Variants in NMU observed in about 807,000 individuals in gnomAD.
NMU encodes the protein neuromedin-U.
In NMU, 29 loss-of-function variants were observed where a neutral mutation model predicts 35.4. That is an observed-to-expected ratio of 0.82 (90% CI 0.61 to 1.12). NMU has a LOEUF of 1.12. Ranked by LOEUF, NMU falls within the 50% of genes most tolerant of loss-of-function variation. NMU has a pLI of 0.00. For missense variants in NMU, 199 were observed against 206.2 expected (o/e 0.97, Z 0.21); for synonymous variants, 78 against 81.3 (o/e 0.96, Z 0.22).
chr4:55,618,651 T>C (rs1734209054), intron 2 of NMU, among the ~76,000 whole-genome samples: 1 of 151,634 alleles, frequency 6.6e-6, no homozygotes, highest in Non-Finnish European at 1.5e-5. Context: ...CTCTCTTTCT[T>C]TCTCATCTTT....
chr4:55,597,282 A>T, intron 9 of NMU, among the ~76,000 whole-genome samples: 1 of 151,888 alleles, frequency 6.6e-6, no homozygotes, highest in East Asian at 1.9e-4. Context: ...AAAAATTCAA[A>T]ATTATTGGCT....
intron 1 of NMU, among the ~76,000 whole-genome samples, chr4:55,633,914 C>G (rs944989184): frequency 1.4e-4 from 21 of 152,222 alleles, no homozygotes; most frequent in Non-Finnish European, 3.1e-4. Context: ...AAATGTGTTC[C>G]TCTTATAGGA....
intron 2 of NMU, among the ~76,000 whole-genome samples, chr4:55,629,728 T>G (rs535843902): frequency 1.3e-5 from 2 of 152,238 alleles, no homozygotes; most frequent in Admixed American, 6.5e-5. Flanking sequence ...TGTATGATTA[T>G]GTCGTTGTTA....
At chr4:55,618,317 G>A (rs1465827681) in intron 2 of NMU, among the ~76,000 whole-genome samples, 6 of 152,084 alleles carry the variant, frequency 3.9e-5, no homozygotes, top group Non-Finnish European at 8.8e-5. Context: ...TCGTCATCTA[G>A]GTTTTAAGCC....
At chr4:55,625,959 T>C (rs896094502) in intron 2 of NMU, among the ~76,000 whole-genome samples, 1 of 152,090 alleles carries the variant, frequency 6.6e-6, no homozygotes, top group Non-Finnish European at 1.5e-5. Context: ...AGCAAAGCTA[T>C]AATCAACCTC....
intron 3 of NMU, among the ~76,000 whole-genome samples, chr4:55,609,693 C>G (rs1172946798): frequency 1.3e-5 from 2 of 152,294 alleles, no homozygotes; most frequent in South Asian, 2.1e-4. Flanking sequence ...ACCACCCTTC[C>G]AGATTGCTGA....
At chr4:55,602,890 A>G (rs1457314355) in intron 7 of NMU, among the ~76,000 whole-genome samples, 2 of 152,230 alleles carry the variant, frequency 1.3e-5, no homozygotes, top group Admixed American at 6.5e-5. Flanking sequence ...TATTCACCTA[A>G]ACTCTATGTG....
intron 4 of NMU, among the ~76,000 whole-genome samples, 178 bp downstream of exon 4, chr4:55,608,942 T>C (rs1211914055): frequency 6.6e-6 from 1 of 152,214 alleles, no homozygotes; most frequent in Non-Finnish European, 1.5e-5. Flanking sequence ...GCTCCATTAA[T>C]ATGATGCTCA....
At chr4:55,618,773 CTCTT>C (rs1441480319) in intron 2 of NMU, among the ~76,000 whole-genome samples, 4 of 138,504 alleles carry the variant, frequency 2.9e-5, no homozygotes, top group Admixed American at 7.6e-5. Context: ...TCTCTTTCTT[CTCTT>C]TCTTTCCCTT....
intron 3 of NMU, among the ~76,000 whole-genome samples, chr4:55,612,253 A>G (rs1250022044): frequency 6.6e-6 from 1 of 152,186 alleles, no homozygotes; most frequent in Non-Finnish European, 1.5e-5. Context: ...TCTTTTAATT[A>G]GCTGGGCATG....
At chr4:55,599,089 T>G in intron 9 of NMU, 53 bp downstream of exon 9, 1 of 1,184,408 alleles carries the variant, frequency 8.4e-7, no homozygotes, top group Non-Finnish European at 1.2e-6. Flanking sequence ...TGTGTTGAAC[T>G]GTGAAATGCA....
chr4:55,603,999 G>GTGTATATATACACATA (rs1366681530), intron 7 of NMU, among the ~76,000 whole-genome samples: 2 of 43,062 alleles, frequency 4.6e-5, no homozygotes, highest in African/African-American at 1.8e-4. Flanking sequence ...ATATATATAC[G>GTGTATATATACACATA]TATATATGTA....
rs983094948 is a variant in NMU, at chr4:55,607,451, C to A, written c.295G>T (p.Asp99Tyr). The A allele has an allele frequency of 1.0e-6, 1 of 1,002,522 alleles. No individual in the cohort carries two copies. Among genetic ancestry groups the A allele is most frequent in the Non-Finnish European group, 1.5e-6 (1 of 648,814 alleles). 62.1% of individuals were successfully genotyped at this position (1,002,522 alleles called of 1,614,324 possible). The change falls in exon 5 of 10, where the codon GAT becomes TAT. Residue 99 changes from aspartate to tyrosine, a missense_variant. Transcript: ENST00000264218. ...AATCATCTTACCCTTTTAGTATTAT[C>A]TTTTTCATCTTGTTCCTATTGAAAA... ...LPKPQEQDEK[D>Y]NTKRFLFHYS...
rs138342873 is a variant in NMU, at chr4:55,605,348, G to A, written c.362C>T (p.Ser121Leu). 1,109 of 1,610,096 alleles carry A rather than the reference G, an allele frequency of 6.9e-4. 1 individual carries two copies. The highest frequency in any genetic ancestry group is 8.4e-4 in the Non-Finnish European group (990 of 1,176,430). Residue 121 changes from serine (S) to leucine (L), a missense_variant and splice_region_variant, in exon 7 of 10, where the codon TCG (serine) becomes TTG (leucine). Coordinates refer to ENST00000264218, the MANE Select transcript of NMU (RefSeq NM_006681.4). ...CTGCAGCAACGGATGCACAACTGAC[G>A]ACTGAGAGGACATGAACACACACGT... ...TQKLGKSNVV[S>L]SVVHPLLQLV... is the part of the protein sequence containing the mutation.
chr4:55,630,126 T>C (rs147019385), intron 2 of NMU, among the ~76,000 whole-genome samples: 147 of 152,224 alleles, frequency 9.7e-4, no homozygotes, highest in African/African-American at 3.4e-3. Flanking sequence ...AATCTTAGAA[T>C]CTCTGTCTTT....
intron 1 of NMU, among the ~76,000 whole-genome samples, chr4:55,634,005 T>TC (rs549035778): frequency 1.1e-3 from 161 of 152,344 alleles, no homozygotes; most frequent in African/African-American, 3.4e-3. Flanking sequence ...CCCTTTATCT[T>TC]CGCATGGCCA....
upstream of NMU, chr4:55,636,312 G>A: frequency 1.2e-5 from 16 of 1,330,400 alleles, no homozygotes; most frequent in Non-Finnish European, 1.5e-5. This position sits in a 1 kb window ranked among gnomAD's most constrained non-coding sequence, Gnocchi z 4.0. Context: ...CGCCCGGCGA[G>A]CCGCCAACTT....
intron 2 of NMU, among the ~76,000 whole-genome samples, chr4:55,624,333 C>A (rs1734433937): frequency 1.2e-5 from 1 of 83,978 alleles, no homozygotes; most frequent in African/African-American, 3.9e-5. Flanking sequence ...AAAAAACAAA[C>A]AACCCCATCA....
intron 6 of NMU, among the ~76,000 whole-genome samples, 167 bp from the exon 7 acceptor site, chr4:55,605,516 G>C (rs1383124612): frequency 6.6e-6 from 1 of 152,218 alleles, no homozygotes; most frequent in Non-Finnish European, 1.5e-5. Flanking sequence ...TCGAAGAACT[G>C]TGGAGAATAA....
Sources: allele counts gnomAD v4.1 joint callset (sites outside exome capture counted in the v4.1 genomes callset), GRCh38; gene constraint gnomAD v4.1.1; non-coding constraint Gnocchi (gnomAD v3.1); transcripts MANE v1.5; gene names NCBI Gene and HGNC (gene_info 2026-07-23, HGNC 2026-07-21).